The following ZNF44 variants were observed in gnomAD, a reference collection of about 807,000 sequenced individuals.
The protein encoded by ZNF44 is gonadotropin inducible transcription repressor-2.
A neutral mutation model predicts 11.7 loss-of-function variants in ZNF44; 9 were observed. That is an observed-to-expected ratio of 0.77 (90% CI 0.46 to 1.35). ZNF44 has a LOEUF of 1.35. Among genes scored for constraint, ZNF44 ranks in the 40% most tolerant of loss-of-function variants. The pLI, the probability that ZNF44 is intolerant of heterozygous loss-of-function variation, is 0.00. For synonymous variants in ZNF44, 224 were observed against 242.7 expected (o/e 0.92, Z 0.72); for missense variants, 696 against 743.1 (o/e 0.94, Z 0.74).
chr19:12,252,532 T>C (rs962215848), intron 5 of ZNF44, among the ~76,000 whole-genome samples: 4 of 152,094 alleles, frequency 2.6e-5, no homozygotes, highest in East Asian at 3.9e-4. Flanking sequence ...AGATAACAGG[T>C]TGTTCAAAGT....
chr19:12,279,556 A>G (rs1967379247), intron 1 of ZNF44, among the ~76,000 whole-genome samples: 1 of 125,886 alleles, frequency 7.9e-6, no homozygotes, highest in African/African-American at 3.8e-5. Context: ...AATGGAAACA[A>G]TTTGAGATAA....
chr19:12,236,933 G>T (rs994591567), intron 1 of ZNF44, among the ~76,000 whole-genome samples: 1 of 152,174 alleles, frequency 6.6e-6, no homozygotes, highest in African/African-American at 2.4e-5. Context: ...TATAACCAAA[G>T]ATTTAACTTG....
rs1967098699 is a variant in ZNF44, at chr19:12,273,941, C to A, written c.314G>T (p.Ser105Ile). The A allele has an allele frequency of 3.7e-6, 6 of 1,614,172 alleles. No individual in the cohort carries two copies. The highest frequency in any genetic ancestry group is 4.2e-6 in the Non-Finnish European group (5 of 1,180,028). ...NTPARVDACGSSVNGEVIMGH... is the reference protein window; with the variant it reads ...NTPARVDACGISVNGEVIMGH... Reference sequence around the variant, plus strand: ...CATTATGACTTCTCCATTCACACTGCTTCCACATGCATCTACTCTGGCGGG... The same window carrying A: ...CATTATGACTTCTCCATTCACACTGATTCCACATGCATCTACTCTGGCGGG... Residue 105 changes from serine to isoleucine, a missense_variant, in exon 4 of 4, where the codon AGC becomes ATC. Transcript: ENST00000355684.
intron 1 of ZNF44, among the ~76,000 whole-genome samples, chr19:12,276,698 T>C (rs993095459): frequency 6.6e-6 from 1 of 152,206 alleles, no homozygotes; most frequent in Admixed American, 6.5e-5. Flanking sequence ...AAATGCAGGC[T>C]GAAACTGAAT....
chr19:12,275,939 C>A lies in ZNF44; in HGVS notation c.130+17G>T, dbSNP rs895662281. Reference sequence around the variant, plus strand: ...ATGTCTCTAATTGACCAAATGAAGACATGATGTCATCCATACCTATACAGT... The same window carrying A: ...ATGTCTCTAATTGACCAAATGAAGAAATGATGTCATCCATACCTATACAGT... On this transcript the variant is annotated intron_variant, in intron 2 of 3. Transcript: ENST00000355684. 1.3e-6 allele frequency: 2 copies of A among 1,584,560 alleles called. No homozygotes were observed. Among genetic ancestry groups the A allele is most frequent in the Non-Finnish European group, 1.7e-6 (2 of 1,162,920 alleles).
chr19:12,260,279 G>C (rs1917449800), intron 5 of ZNF44: 3 of 841,768 alleles, frequency 3.6e-6, no homozygotes, highest in African/African-American at 3.3e-5. Flanking sequence ...TGGGCGTGGA[G>C]CCGGCAGCCG....
intron 1 of ZNF44, among the ~76,000 whole-genome samples, chr19:12,277,036 C>A (rs1431088855): frequency 6.6e-6 from 1 of 152,046 alleles, no homozygotes; most frequent in African/African-American, 2.4e-5. Context: ...TATAGATTAC[C>A]CCAGTTCTGG....
At chr19:12,251,295 A>C (rs886089073) in intron 5 of ZNF44, among the ~76,000 whole-genome samples, 1 of 149,108 alleles carries the variant, frequency 6.7e-6, no homozygotes, top group Non-Finnish European at 1.5e-5. Flanking sequence ...CGCACATTGC[A>C]CTCCAGCCTG....
chr19:12,261,225 G>T (rs2145705599), intron 5 of ZNF44, among the ~76,000 whole-genome samples: 1 of 152,344 alleles, frequency 6.6e-6, no homozygotes, highest in African/African-American at 2.4e-5. Context: ...GAGGAAGGAT[G>T]CCCAGGCCTT....
chr19:12,291,182 T>C (rs1472130830), intron 1 of ZNF44: 4 of 439,144 alleles, frequency 9.1e-6, no homozygotes, highest in African/African-American at 6.1e-5. Context: ...CCACAGAATG[T>C]TGCATTAATC....
chr19:12,288,325 T>C (rs1428256879), intron 1 of ZNF44, among the ~76,000 whole-genome samples: 2 of 152,206 alleles, frequency 1.3e-5, no homozygotes, highest in Non-Finnish European at 2.9e-5. Flanking sequence ...ATGGAAGACA[T>C]ATGTCAGCCC....
chr19:12,284,471 C>T (rs1568454668), intron 1 of ZNF44: 3 of 650,654 alleles, frequency 4.6e-6, no homozygotes, highest in African/African-American at 3.6e-5. Context: ...GAGGCAAGGC[C>T]GAGGATAAGA....
chr19:12,268,580 A>C (rs1917827616), downstream of ZNF44, among the ~76,000 whole-genome samples: 1 of 151,890 alleles, frequency 6.6e-6, no homozygotes, highest in African/African-American at 2.4e-5. Flanking sequence ...ATTATTATTT[A>C]ACTTACACTG....
chr19:12,265,941 A>C (rs1431696970), intron 5 of ZNF44, among the ~76,000 whole-genome samples: 1 of 152,208 alleles, frequency 6.6e-6, no homozygotes, highest in Admixed American at 6.5e-5. Context: ...TCGTTTCGCT[A>C]AAGTTGCACC....
intron 1 of ZNF44, chr19:12,285,137 CAG>C: frequency 1.6e-6 from 1 of 622,504 alleles, no homozygotes; most frequent in South Asian, 2.0e-5. Flanking sequence ...AGACCCACAC[CAG>C]AGTCTCTGTG....
chr19:12,267,536 GACAA>G (rs1251501419), downstream of ZNF44, among the ~76,000 whole-genome samples: 3 of 152,144 alleles, frequency 2.0e-5, no homozygotes, highest in African/African-American at 4.8e-5. Flanking sequence ...AACGCCAAGT[GACAA>G]ACATATTCCC....
chr19:12,265,639 C>T (rs1042187403), intron 5 of ZNF44, among the ~76,000 whole-genome samples: 1 of 152,166 alleles, frequency 6.6e-6, no homozygotes, highest in Non-Finnish European at 1.5e-5. Flanking sequence ...ATCCTCAACA[C>T]GTAAGATGTC....
intron 3 of ZNF44, among the ~76,000 whole-genome samples, chr19:12,227,679 A>C (rs1915977026): frequency 6.6e-6 from 1 of 152,248 alleles, no homozygotes; most frequent in Non-Finnish European, 1.5e-5. Context: ...TGTGGCACAC[A>C]ATAATTTTAA....
At chr19:12,277,223 A>G (rs2145735635) in intron 1 of ZNF44, among the ~76,000 whole-genome samples, 1 of 152,322 alleles carries the variant, frequency 6.6e-6, no homozygotes, top group South Asian at 2.1e-4. Context: ...GATTACACAG[A>G]GAGAATATTT....
Sources: allele counts gnomAD v4.1 joint callset (sites outside exome capture counted in the v4.1 genomes callset), GRCh38; gene constraint gnomAD v4.1.1; transcripts MANE v1.5; gene names NCBI Gene and HGNC (gene_info 2026-07-23, HGNC 2026-07-21).